ZCCHC7: variants seen among roughly 807,000 people sequenced by gnomAD.
The protein encoded by ZCCHC7 is zinc finger CCHC domain-containing protein 7.
In ZCCHC7, 35 loss-of-function variants were observed where a neutral mutation model predicts 52.0. The ratio of observed to expected loss-of-function variants is 0.67; its 90% CI spans 0.51 to 0.89. The LOEUF (loss-of-function observed/expected upper bound fraction) is 0.89. ZCCHC7 is among the 40% of genes least tolerant of loss of function. The pLI, the probability that ZCCHC7 is intolerant of heterozygous loss-of-function variation, is 0.00. For synonymous variants in ZCCHC7, 217 were observed against 221.5 expected (o/e 0.98, Z 0.18); for missense variants, 574 against 649.1 (o/e 0.88, Z 1.26).
chr9:37,191,627 A>G, intron 2 of ZCCHC7, among the ~76,000 whole-genome samples: 1 of 152,164 alleles, frequency 6.6e-6, no homozygotes, highest in African/African-American at 2.4e-5. Flanking sequence ...TTAGAATTCC[A>G]AAGGGCATTA....
chr9:37,340,714 G>T (rs1282591092), intron 6 of ZCCHC7, among the ~76,000 whole-genome samples: 1 of 152,072 alleles, frequency 6.6e-6, no homozygotes, highest in Non-Finnish European at 1.5e-5. Context: ...AGAGATTTTT[G>T]TTAGATCATA....
chr9:37,231,104 C>G (rs117493761), intron 2 of ZCCHC7, among the ~76,000 whole-genome samples: 307 of 152,202 alleles, frequency 2.0e-3, no homozygotes, highest in Non-Finnish European at 3.1e-3. Flanking sequence ...ACCACCATAC[C>G]CCACTAATTT....
chr9:37,187,221 A>G (rs531669490), intron 2 of ZCCHC7, among the ~76,000 whole-genome samples: 5 of 152,340 alleles, frequency 3.3e-5, no homozygotes, highest in African/African-American at 1.2e-4. Context: ...AGCAGTCCCA[A>G]ACCTTTTTGA....
intron 6 of ZCCHC7, among the ~76,000 whole-genome samples, chr9:37,335,681 G>GTAA (rs1830618420): frequency 6.6e-6 from 1 of 152,038 alleles, no homozygotes; most frequent in African/African-American, 2.4e-5. Flanking sequence ...AGATTCCTAA[G>GTAA]GACCTCTTTA....
At chr9:37,293,851 T>C (rs1422723807) in intron 2 of ZCCHC7, among the ~76,000 whole-genome samples, 2 of 152,136 alleles carry the variant, frequency 1.3e-5, no homozygotes, top group Non-Finnish European at 2.9e-5. Context: ...TAGCGAAAGC[T>C]CTATATGACC....
chr9:37,220,310 G>A (rs1489952703), intron 2 of ZCCHC7, among the ~76,000 whole-genome samples: 1 of 152,132 alleles, frequency 6.6e-6, no homozygotes, highest in Admixed American at 6.5e-5. Context: ...GGAGGCCGAG[G>A]CGGGCAGATT....
intron 2 of ZCCHC7, among the ~76,000 whole-genome samples, chr9:37,287,891 A>G (rs980781001): frequency 1.8e-4 from 27 of 151,922 alleles, no homozygotes; most frequent in African/African-American, 3.1e-4. Context: ...AGGACATATT[A>G]TATGTATTAG....
intron 2 of ZCCHC7, among the ~76,000 whole-genome samples, chr9:37,274,468 T>C (rs112738224): frequency 6.7e-6 from 1 of 150,362 alleles, no homozygotes; most frequent in Admixed American, 6.7e-5. Flanking sequence ...GCCTCCTAAG[T>C]AGCTGGAGTC....
intron 2 of ZCCHC7, among the ~76,000 whole-genome samples, chr9:37,143,126 A>G (rs1843298391): frequency 1.3e-5 from 2 of 151,644 alleles, no homozygotes; most frequent in African/African-American, 4.8e-5. Flanking sequence ...AAAGGTCATG[A>G]TTGCTTGATG....
chr9:37,162,175 A>G (rs1045772297), intron 2 of ZCCHC7, among the ~76,000 whole-genome samples: 8 of 152,192 alleles, frequency 5.3e-5, no homozygotes, highest in South Asian at 2.1e-4. Flanking sequence ...AGTATATACT[A>G]CATATATACT....
At chr9:37,283,386 A>T (rs1332240127) in intron 2 of ZCCHC7, among the ~76,000 whole-genome samples, 1 of 152,208 alleles carries the variant, frequency 6.6e-6, no homozygotes, top group East Asian at 1.9e-4. Flanking sequence ...AAGATTTTAC[A>T]TATCTACATC....
chr9:37,160,528 A>G (rs1821039163), intron 2 of ZCCHC7, among the ~76,000 whole-genome samples: 1 of 152,064 alleles, frequency 6.6e-6, no homozygotes, highest in Non-Finnish European at 1.5e-5. Context: ...AAAAATAATA[A>G]TGTTGCAGCT....
chr9:37,342,349 T>A (rs1382982619), intron 6 of ZCCHC7, among the ~76,000 whole-genome samples: 2 of 152,300 alleles, frequency 1.3e-5, no homozygotes, highest in South Asian at 2.1e-4. Context: ...GGATTTGATT[T>A]TAACTAACTA....
intron 2 of ZCCHC7, among the ~76,000 whole-genome samples, chr9:37,269,912 A>G (rs1827320957): frequency 6.6e-6 from 1 of 152,104 alleles, no homozygotes; most frequent in Admixed American, 6.5e-5. Flanking sequence ...TGGTCAGGTC[A>G]AGAGTTTTAT....
intron 2 of ZCCHC7, among the ~76,000 whole-genome samples, chr9:37,168,859 A>T (rs1821573225): frequency 6.6e-6 from 1 of 152,246 alleles, no homozygotes; most frequent in Non-Finnish European, 1.5e-5. Context: ...ACCCGCCCTC[A>T]GGAGCCCACA....
At position 37,126,770 on chromosome 9, in the gene ZCCHC7, A is replaced by G. The variant is rs1051054590; in HGVS notation, c.438A>G (p.Ser146=). ...AGAAGCCTAAATCTGAAGAGAGATC[A>G]GGTGTAATCCGAGAGGTCATGATTA... The part of the protein sequence containing the change: ...DIEKPKSEER[S]GVIREVMIIE... Residue 146 remains serine (S), a synonymous_variant, in exon 2 of 9, where the codon TCA becomes TCG. Coordinates refer to ENST00000336755, the MANE Select transcript of ZCCHC7 (RefSeq NM_032226.3). The G allele has an allele frequency of 1.2e-6, 2 of 1,614,190 alleles. No individual in the cohort carries two copies. Among genetic ancestry groups the G allele is most frequent in the African/African-American group, 2.7e-5 (2 of 75,060 alleles).
At chr9:37,336,593 C>G (rs74970241) in intron 6 of ZCCHC7, among the ~76,000 whole-genome samples, 2 of 152,052 alleles carry the variant, frequency 1.3e-5, no homozygotes, top group East Asian at 1.9e-4. Flanking sequence ...AGCTAATAAA[C>G]GTAATAGAGC....
At chr9:37,150,484 G>A (rs79220506) in intron 2 of ZCCHC7, among the ~76,000 whole-genome samples, 7,715 of 152,254 alleles carry the variant, frequency 0.051, 649 homozygotes, top group African/African-American at 0.17. Context: ...TGGTGACAGT[G>A]ATTGCCCTTG....
intron 3 of ZCCHC7, among the ~76,000 whole-genome samples, chr9:37,303,520 G>A (rs1315780083): frequency 6.6e-6 from 1 of 151,032 alleles, no homozygotes; most frequent in African/African-American, 2.4e-5. Flanking sequence ...ACCCCTGCTC[G>A]ATCTGAAACA....
Sources: allele counts gnomAD v4.1 joint callset (sites outside exome capture counted in the v4.1 genomes callset), GRCh38; gene constraint gnomAD v4.1.1; transcripts MANE v1.5; gene names NCBI Gene and HGNC (gene_info 2026-07-23, HGNC 2026-07-21).